Variants in ABCA13 observed in about 807,000 individuals in gnomAD.
ABCA13 encodes the protein ATP binding cassette subfamily A member 13.
A neutral mutation model predicts 478.7 loss-of-function variants in ABCA13; 476 were observed. The observed-to-expected ratio is 0.99, with a 90% confidence interval of 0.92 to 1.07. ABCA13 has a LOEUF of 1.07. Ranked by LOEUF, ABCA13 falls within the 50% of genes least tolerant of loss-of-function variation. ABCA13 has a pLI of 0.00. For missense variants in ABCA13, 6,060 were observed against 5,910.6 expected (o/e 1.03, Z -0.83); for synonymous variants, 2,252 against 2,158.9 (o/e 1.04, Z -1.20).
chr7:48,193,089 C>A, intron 2 of ABCA13, 37 bp downstream of exon 2: 2 of 1,439,160 alleles, frequency 1.4e-6, no homozygotes, highest in Non-Finnish European at 1.9e-6. Context: ...TTGAATTAAC[C>A]TTTGGAGAAA....
chr7:48,468,895 T>C (rs1031559682), intron 44 of ABCA13, among the ~76,000 whole-genome samples: 1 of 152,262 alleles, frequency 6.6e-6, no homozygotes, highest in Non-Finnish European at 1.5e-5. Flanking sequence ...AAATCCGATC[T>C]AAAATATGAG....
At chr7:48,559,908 G>C (rs558662489) in intron 55 of ABCA13, among the ~76,000 whole-genome samples, 1 of 152,218 alleles carries the variant, frequency 6.6e-6, no homozygotes, top group African/African-American at 2.4e-5. Flanking sequence ...TAAAAGTCCT[G>C]TTTATTTTTT....
intron 3 of ABCA13, among the ~76,000 whole-genome samples, chr7:48,198,888 T>C (rs1303564656): frequency 6.6e-6 from 1 of 152,194 alleles, no homozygotes; most frequent in Non-Finnish European, 1.5e-5. Context: ...TGCCTGTGGT[T>C]GCCTACAGTG....
intron 47 of ABCA13, among the ~76,000 whole-genome samples, chr7:48,487,182 T>G (rs183042975): frequency 5.1e-3 from 772 of 152,070 alleles, no homozygotes; most frequent in Non-Finnish European, 9.0e-3. Flanking sequence ...TGGTGGCACA[T>G]GCCTGTAATG....
intron 3 of ABCA13, among the ~76,000 whole-genome samples, chr7:48,199,921 C>A (rs1351329909): frequency 6.6e-6 from 1 of 152,150 alleles, no homozygotes; most frequent in African/African-American, 2.4e-5. Flanking sequence ...AATTAATTGA[C>A]CTCTTTGAAT....
chr7:48,264,668 G>C (rs1171485314), intron 15 of ABCA13, among the ~76,000 whole-genome samples: 1 of 151,588 alleles, frequency 6.6e-6, no homozygotes, highest in African/African-American at 2.4e-5. Context: ...GTATATACAG[G>C]ATACAAACTC....
intron 55 of ABCA13, among the ~76,000 whole-genome samples, chr7:48,559,087 AC>A (rs1786173879): frequency 6.6e-6 from 1 of 152,128 alleles, no homozygotes; most frequent in Non-Finnish European, 1.5e-5. Context: ...AGGTGGAGAA[AC>A]CAGCCATGTT....
chr7:48,185,873 A>T lies in ABCA13; in HGVS notation c.70-7086A>T, dbSNP rs181105556. 1.4e-4 allele frequency among the ~76,000 whole-genome samples: 22 copies of T among 152,130 alleles called. No homozygotes were observed. The East Asian group carries it at 1.5e-3, about 11-fold the overall frequency. ...GTGCTATATATTTTGAGGTTAAATG[A>T]TTAAGTATACACGTTCATAATATTA... On this transcript the variant is annotated intron_variant, in intron 1 of 61. Transcript: ENST00000435803.
At chr7:48,322,038 GT>G (rs1323751469) in intron 27 of ABCA13, among the ~76,000 whole-genome samples, 1 of 152,210 alleles carries the variant, frequency 6.6e-6, no homozygotes, top group East Asian at 1.9e-4. Flanking sequence ...TTGAGACTTT[GT>G]TCTCTCTTCA....
chr7:48,335,776 T>C (rs1263205394), intron 28 of ABCA13, among the ~76,000 whole-genome samples: 1 of 152,250 alleles, frequency 6.6e-6, no homozygotes, highest in African/African-American at 2.4e-5. Flanking sequence ...ACTTTTTCTT[T>C]AAATTCTTTA....
At chr7:48,577,990 C>G (rs1289789386) in intron 55 of ABCA13, among the ~76,000 whole-genome samples, 1 of 152,096 alleles carries the variant, frequency 6.6e-6, no homozygotes, top group African/African-American at 2.4e-5. Flanking sequence ...ATCCTATTAA[C>G]AGATGCATAA....
At chr7:48,376,760 G>C (rs941163518) in intron 35 of ABCA13, among the ~76,000 whole-genome samples, 188 bp downstream of exon 35, 2 of 152,102 alleles carry the variant, frequency 1.3e-5, no homozygotes, top group Admixed American at 6.6e-5. Context: ...CCAAGTGAAA[G>C]GTAAAAGGCC....
chr7:48,608,559 T>C (rs2131528591), intron 58 of ABCA13, among the ~76,000 whole-genome samples: 1 of 152,364 alleles, frequency 6.6e-6, no homozygotes, highest in Middle Eastern at 3.4e-3. Flanking sequence ...TTCTGTTTGT[T>C]TGGCTCCCAA....
intron 8 of ABCA13, 106 bp downstream of exon 8, chr7:48,234,257 G>A: frequency 6.5e-7 from 1 of 1,531,518 alleles, no homozygotes; most frequent in South Asian, 1.1e-5. Context: ...GAGGCAGCCA[G>A]ACAGGAGAGT....
rs758328033 is a variant in ABCA13 at position 48,249,175 on chromosome 7, T to G, written c.1866-37T>G. 5 of 1,569,230 alleles carry G rather than the reference T, an allele frequency of 3.2e-6. No homozygotes were observed. In the South Asian group the frequency reaches 5.9e-5, roughly 19 times the overall value. On this transcript the variant is annotated intron_variant, in intron 14 of 61. Transcript: ENST00000435803. The stretch of plus-strand genomic sequence containing the variant: ...GATCTGTCATCTGCAAGATCATTTT[T>G]AAATTTTAATTTTCTCTGGATTCTT...
chr7:48,382,011 A>C (rs909635660), intron 35 of ABCA13, among the ~76,000 whole-genome samples: 1 of 152,202 alleles, frequency 6.6e-6, no homozygotes, highest in African/African-American at 2.4e-5. Context: ...GGGGTTTTAA[A>C]AGTCCAGACA....
rs181863030 is a variant in ABCA13, at chr7:48,474,586, T to C, written c.12975+2987T>C. On this transcript the variant is annotated intron_variant, in intron 45 of 61. Coordinates refer to ENST00000435803, the MANE Select transcript of ABCA13 (RefSeq NM_152701.5). ...TTTGGTAAGGAGTTTTTTGGTCAGA[T>C]ATGGAAATTCCAAAGAGAATTGGAA... 2.8e-3 allele frequency among the ~76,000 whole-genome samples: 423 copies of C among 152,260 alleles called. 1 individual carries two copies. Among genetic ancestry groups the C allele is most frequent in the Non-Finnish European group, 4.0e-3 (274 of 68,018 alleles).
At chr7:48,633,943 GA>G (rs1794410184) in intron 59 of ABCA13, among the ~76,000 whole-genome samples, 1 of 22,498 alleles carries the variant, frequency 4.4e-5, no homozygotes, top group Non-Finnish European at 1.0e-4. Flanking sequence ...TAGATAGATA[GA>G]TAGATAGATA....
intron 23 of ABCA13, among the ~76,000 whole-genome samples, chr7:48,299,501 GCAGTGCTGAAATTGTCTCTT>G (rs1799848604): frequency 6.6e-6 from 1 of 152,210 alleles, no homozygotes; most frequent in Non-Finnish European, 1.5e-5. Flanking sequence ...AAAGCAGGGG[GCAGTGCTGAAATTGTCTCTT>G]CCCTACCTCG....
Sources: gnomAD v4.1 joint callset for allele counts (sites outside exome capture counted in the v4.1 genomes callset) on GRCh38, gnomAD v4.1.1 for gene constraint, MANE v1.5 for transcripts, NCBI Gene and HGNC (gene_info 2026-07-23, HGNC 2026-07-21) for gene names.